The following CSTPP1 variants were observed in gnomAD, a reference collection of about 807,000 sequenced individuals.
CSTPP1 encodes centriolar satellite-associated tubulin polyglutamylase complex regulator 1, also known as UPF0705 protein C11orf49.
chr11:47,075,988 G>T, the CSTPP1 span, among the ~76,000 whole-genome samples: 6 of 148,856 alleles, frequency 4.0e-5, no homozygotes, highest in Non-Finnish European at 7.4e-5. Flanking sequence ...AACTGGGAGT[G>T]AGAGGGGAGC....
chr11:47,126,336 TC>T, the CSTPP1 span, among the ~76,000 whole-genome samples: 3 of 152,070 alleles, frequency 2.0e-5, no homozygotes, highest in East Asian at 5.8e-4. Flanking sequence ...ACAGTAATAG[TC>T]ACTGGCCAGG....
the CSTPP1 span, among the ~76,000 whole-genome samples, chr11:47,081,414 T>C: frequency 3.3e-5 from 5 of 152,160 alleles, no homozygotes; most frequent in Non-Finnish European, 1.5e-5. Flanking sequence ...CAATAAACAC[T>C]GTGTGCCAGG....
chr11:47,142,070 C>CCAT, the CSTPP1 span, among the ~76,000 whole-genome samples: 1 of 151,666 alleles, frequency 6.6e-6, no homozygotes, highest in South Asian at 2.1e-4. Context: ...TGGTGAAACC[C>CCAT]CATCTCTACT....
chr11:47,128,876 CT>C, the CSTPP1 span, among the ~76,000 whole-genome samples: 2 of 152,080 alleles, frequency 1.3e-5, no homozygotes, highest in African/African-American at 2.4e-5. Flanking sequence ...CTGTAGTAAA[CT>C]TTTGCCCCCC....
chr11:47,054,997 A>G, the CSTPP1 span, among the ~76,000 whole-genome samples: 4 of 139,398 alleles, frequency 2.9e-5, no homozygotes, highest in African/African-American at 5.4e-5. Context: ...CAGGAATACA[A>G]TGACACAATC....
chr11:47,093,554 G>A, the CSTPP1 span, among the ~76,000 whole-genome samples: 419 of 152,312 alleles, frequency 2.8e-3, 3 homozygotes, highest in African/African-American at 9.3e-3. Flanking sequence ...TAAGTTTTTT[G>A]AGGGTAGGGG....
the CSTPP1 span, among the ~76,000 whole-genome samples, chr11:47,149,321 G>C: frequency 6.6e-6 from 1 of 152,236 alleles, no homozygotes. Flanking sequence ...GGGCGGCCGG[G>C]CACCTCCAGG....
the CSTPP1 span, among the ~76,000 whole-genome samples, chr11:47,126,821 A>C: frequency 6.6e-6 from 1 of 150,586 alleles, no homozygotes; most frequent in African/African-American, 2.5e-5. Context: ...GGTCACAGCT[A>C]TTTGGGGAGC....
chr11:47,155,254 C>A, the CSTPP1 span: 1 of 1,613,046 alleles, frequency 6.2e-7, no homozygotes, highest in Non-Finnish European at 8.5e-7. Flanking sequence ...TCCAGTTTTA[C>A]TACTCAGGTG....
chr11:47,032,537 T>A, the CSTPP1 span, among the ~76,000 whole-genome samples: 2 of 152,212 alleles, frequency 1.3e-5, no homozygotes, highest in African/African-American at 4.8e-5. Context: ...CTTGTAAGGT[T>A]AAAAATATAT....
chr11:46,998,113 G>A, the CSTPP1 span, among the ~76,000 whole-genome samples: 1 of 152,242 alleles, frequency 6.6e-6, no homozygotes, highest in South Asian at 2.1e-4. Flanking sequence ...GAAATCACCC[G>A]TCTTCTGCGT....
At chr11:47,021,267 G>T in the CSTPP1 span, among the ~76,000 whole-genome samples, 752 of 152,190 alleles carry the variant, frequency 4.9e-3, 6 homozygotes, top group African/African-American at 0.018. Flanking sequence ...ATCTCTGCAG[G>T]CTCCTGCAGG....
the CSTPP1 span, among the ~76,000 whole-genome samples, chr11:47,131,498 T>C: frequency 1.3e-5 from 2 of 152,208 alleles, no homozygotes; most frequent in Admixed American, 1.3e-4. Flanking sequence ...TTCTGACTAA[T>C]TTTCTTAGCT....
the CSTPP1 span, among the ~76,000 whole-genome samples, chr11:47,073,275 G>A: frequency 6.6e-6 from 1 of 152,168 alleles, no homozygotes; most frequent in East Asian, 1.9e-4. Flanking sequence ...AATCTAGCTG[G>A]GAAGACAACT....
At chr11:47,161,923 C>T in the CSTPP1 span, 5 of 1,188,000 alleles carry the variant, frequency 4.2e-6, no homozygotes, top group Non-Finnish European at 5.2e-6. Context: ...GCCTGTTAGT[C>T]CTCCTAACCT....
the CSTPP1 span, among the ~76,000 whole-genome samples, chr11:47,122,088 AAAAATAT>A: frequency 4.1e-5 from 4 of 96,760 alleles, no homozygotes; most frequent in African/African-American, 1.2e-4. Context: ...AAAAAAAAAA[AAAAATAT>A]ATATATATAT....
At chr11:47,062,218 A>AT in the CSTPP1 span, among the ~76,000 whole-genome samples, 2 of 152,172 alleles carry the variant, frequency 1.3e-5, no homozygotes, top group African/African-American at 4.8e-5. Flanking sequence ...CCTTATTAAA[A>AT]TTATAAACTT....
the CSTPP1 span, among the ~76,000 whole-genome samples, chr11:47,150,837 T>A: frequency 8.6e-5 from 12 of 139,974 alleles, no homozygotes; most frequent in Admixed American, 1.4e-4. Flanking sequence ...ACAGGCCAGA[T>A]CCAAATGGGG....
the CSTPP1 span, chr11:47,155,068 T>C: frequency 1.1e-6 from 1 of 927,062 alleles, no homozygotes; most frequent in Non-Finnish European, 1.8e-6. Context: ...GGAACAGCTC[T>C]CTCTCTCCCT....
Sources: allele counts gnomAD v4.1 joint callset (sites outside exome capture counted in the v4.1 genomes callset), GRCh38; gene constraint gnomAD v4.1.1; transcripts MANE v1.5; gene names NCBI Gene and HGNC (gene_info 2026-07-23, HGNC 2026-07-21).